The following GRIP1 variants were observed in gnomAD, a reference collection of about 807,000 sequenced individuals.
GRIP1 encodes glutamate receptor-interacting protein 1.
Under a neutral mutation model 129.9 loss-of-function variants are expected in GRIP1, and 45 were observed. The observed-to-expected ratio is 0.35, with a 90% CI of 0.27 to 0.44. The LOEUF (loss-of-function observed/expected upper bound fraction) is 0.44. Ranked by LOEUF, GRIP1 falls within the 20% of genes least tolerant of loss-of-function variation. The probability of loss-of-function intolerance (pLI) is 1.00; values close to 1 mark genes in which losing one functional copy is unlikely to be tolerated. For missense variants in GRIP1, 1,196 were observed against 1,396.8 expected (o/e 0.86, Z 2.29); for synonymous variants, 530 against 520.8 (o/e 1.02, Z -0.24).
intron 1 of GRIP1, among the ~76,000 whole-genome samples, chr12:66,831,243 T>C (rs2039512188): frequency 6.6e-6 from 1 of 152,130 alleles, no homozygotes; most frequent in Non-Finnish European, 1.5e-5. Context: ...AAATGCACAA[T>C]AAGCTGCTGT....
Position 66,455,566 on chromosome 12 carries a change from T to C in GRIP1, c.1199-2A>G, listed in dbSNP as rs762555887. ...AGAAGGATGAAGACACCAAAGCTGC[T>C]GCAAGAGAGTGAAGACGTTGCACAG... On this transcript the variant is annotated splice_acceptor_variant, in intron 10 of 24. Transcript: ENST00000359742. LOFTEE classifies it high-confidence loss of function. The C allele has an allele frequency of 3.1e-6, 5 of 1,613,648 alleles. No individual in the cohort carries two copies. The African/African-American group carries it at 5.3e-5, about 17-fold the overall frequency.
chr12:66,588,242 T>C (rs1056041590), intron 2 of GRIP1, among the ~76,000 whole-genome samples: 3 of 152,156 alleles, frequency 2.0e-5, no homozygotes, highest in Admixed American at 2.0e-4. Flanking sequence ...AAGGCATAAG[T>C]GTATGGAACG....
At chr12:66,838,196 A>AG in intron 1 of GRIP1, among the ~76,000 whole-genome samples, 1 of 151,890 alleles carries the variant, frequency 6.6e-6, no homozygotes, top group East Asian at 1.9e-4. Flanking sequence ...CTAAAAAAAA[A>AG]AAAAAAATCG....
intron 1 of GRIP1, among the ~76,000 whole-genome samples, chr12:66,997,171 A>G (rs1200071035): frequency 1.3e-5 from 2 of 152,188 alleles, no homozygotes; most frequent in Non-Finnish European, 2.9e-5. Context: ...TAAGAATTTA[A>G]TACAAAATTA....
At chr12:67,029,492 T>C (rs2042988834) in intron 1 of GRIP1, among the ~76,000 whole-genome samples, 1 of 148,416 alleles carries the variant, frequency 6.7e-6, no homozygotes, top group African/African-American at 2.5e-5. Flanking sequence ...GGTGGGAGGA[T>C]CACCTGAGCC....
At chr12:66,522,622 G>C (rs181147971) in intron 5 of GRIP1, among the ~76,000 whole-genome samples, 2 of 152,226 alleles carry the variant, frequency 1.3e-5, no homozygotes, top group African/African-American at 4.8e-5. Flanking sequence ...CTAAAAAGCA[G>C]AGTGCCTCTC....
chr12:66,668,767 T>C (rs2033924404), intron 1 of GRIP1, among the ~76,000 whole-genome samples: 1 of 135,776 alleles, frequency 7.4e-6, no homozygotes, highest in Admixed American at 8.2e-5. Context: ...CTCATCACTA[T>C]CAAAAAGAAA....
intron 1 of GRIP1, among the ~76,000 whole-genome samples, chr12:66,703,451 G>A (rs945053898): frequency 1.3e-5 from 2 of 152,140 alleles, no homozygotes; most frequent in African/African-American, 4.8e-5. Context: ...AGGGCAAAGG[G>A]AGAGGAGGGA....
chr12:66,652,416 C>T (rs1361791444), intron 1 of GRIP1, among the ~76,000 whole-genome samples: 1 of 152,176 alleles, frequency 6.6e-6, no homozygotes, highest in African/African-American at 2.4e-5. Context: ...CTGAGGCCTC[C>T]CCAGCCACAC....
At chr12:66,762,085 C>A (rs1393048505) in intron 1 of GRIP1, among the ~76,000 whole-genome samples, 2 of 152,306 alleles carry the variant, frequency 1.3e-5, no homozygotes, top group East Asian at 3.9e-4. Flanking sequence ...GAGCCTGGCA[C>A]ATAATAAATT....
At chr12:66,670,489 C>T (rs1242892790) in intron 1 of GRIP1, among the ~76,000 whole-genome samples, 3 of 152,286 alleles carry the variant, frequency 2.0e-5, no homozygotes, top group Middle Eastern at 3.4e-3. Context: ...ACTGCAGGCT[C>T]AGATTTGCAG....
intron 7 of GRIP1, among the ~76,000 whole-genome samples, chr12:66,501,209 T>C (rs78627973): frequency 0.012 from 1,840 of 152,362 alleles, 43 homozygotes; most frequent in East Asian, 0.1. Flanking sequence ...AGCATGACTG[T>C]TGGAGTTAAC....
In GRIP1 at chr12:66,977,809, T is replaced by TTTGCA. The variant is rs1196287587; in HGVS notation, c.58+91240_58+91241insTGCAA. Among the ~76,000 whole-genome samples, 19 of 56,888 alleles carry TTTGCA rather than the reference T, an allele frequency of 3.3e-4. 1 individual carries two copies. Among genetic ancestry groups the TTTGCA allele is most frequent in the African/African-American group, 1.6e-3 (18 of 11,048 alleles). 37.3% of individuals were successfully genotyped at this position (56,888 alleles called of 152,430 possible). A position where few individuals can be genotyped will look rare whatever the true frequency, so the allele number is the denominator to read the frequency against. On this transcript the variant is annotated intron_variant, in intron 1 of 1. Coordinates refer to the GRIP1 transcript ENST00000643019. ...TATAGTCAGTTCTAGAGCTGAGCAT[T>TTTGCA]TTTTTTTTTTTTTTTTTTTTTTTTT...
At chr12:66,356,662 T>A (rs1719849984) in intron 23 of GRIP1, among the ~76,000 whole-genome samples, 2 of 151,920 alleles carry the variant, frequency 1.3e-5, no homozygotes, top group Non-Finnish European at 2.9e-5. Context: ...ATCCTTCTCT[T>A]CTTCGGGGGA....
intron 1 of GRIP1, among the ~76,000 whole-genome samples, chr12:66,926,863 A>G (rs2137385525): frequency 6.6e-6 from 1 of 152,372 alleles, no homozygotes; most frequent in South Asian, 2.1e-4. Flanking sequence ...CACACCACTA[A>G]GAGCAAAGAA....
At chr12:66,525,662 T>G (rs61925959) in intron 5 of GRIP1, among the ~76,000 whole-genome samples, 20,637 of 151,560 alleles carry the variant, frequency 0.14, 1,753 homozygotes, top group Non-Finnish European at 0.19. Context: ...TTAAACGTAG[T>G]GTTGGAAGTT....
At chr12:66,353,996 C>T (rs915378892) in intron 23 of GRIP1, among the ~76,000 whole-genome samples, 6 of 152,186 alleles carry the variant, frequency 3.9e-5, no homozygotes, top group Admixed American at 6.5e-5. Flanking sequence ...CTCTGCTAAG[C>T]ACAGTGCTCG....
At chr12:66,377,674 CCTT>C (rs1160352479) in intron 20 of GRIP1, among the ~76,000 whole-genome samples, 8 of 144,526 alleles carry the variant, frequency 5.5e-5, no homozygotes, top group South Asian at 4.6e-4. Flanking sequence ...GAATATCTCT[CCTT>C]CATCTCACAC....
intron 1 of GRIP1, among the ~76,000 whole-genome samples, chr12:66,612,778 C>G (rs183804974): frequency 6.6e-5 from 10 of 152,322 alleles, no homozygotes; most frequent in Admixed American, 5.9e-4. Context: ...CAGCATACCA[C>G]TGTATGATCT....
Sources: allele counts gnomAD v4.1 joint callset (sites outside exome capture counted in the v4.1 genomes callset), GRCh38; gene constraint gnomAD v4.1.1; transcripts MANE v1.5; gene names NCBI Gene and HGNC (gene_info 2026-07-23, HGNC 2026-07-21).